The following MLC1 variants were observed in gnomAD, a reference collection of about 807,000 sequenced individuals.
MLC1 encodes modulator of VRAC current 1.
Under a neutral mutation model 44.7 loss-of-function variants are expected in MLC1, and 32 were observed. The observed-to-expected ratio is 0.72, with a 90% CI of 0.54 to 0.96. The LOEUF is 0.96. Among genes scored for constraint, MLC1 ranks in the 40% least tolerant of loss-of-function variants. The pLI is 0.00. For missense variants in MLC1, 459 were observed against 492.2 expected (o/e 0.93, Z 0.64); for synonymous variants, 190 against 213.0 (o/e 0.89, Z 0.94).
chr22:50,077,136 C>T (rs768047171), intron 6 of MLC1, among the ~76,000 whole-genome samples: 18 of 152,286 alleles, frequency 1.2e-4, no homozygotes, highest in East Asian at 5.8e-4. Context: ...CCCCTGGGGA[C>T]GAGCACTGGA....
At chr22:50,061,857 G>A (rs1387278021) in intron 11 of MLC1, among the ~76,000 whole-genome samples, 200 bp from the exon 12 acceptor site, 1 of 152,136 alleles carries the variant, frequency 6.6e-6, no homozygotes, top group Non-Finnish European at 1.5e-5. Flanking sequence ...AGAAACGCCT[G>A]CATCCCCCCC....
intron 10 of MLC1, among the ~76,000 whole-genome samples, chr22:50,066,134 T>C (rs780730765): frequency 6.6e-6 from 1 of 151,846 alleles, no homozygotes; most frequent in East Asian, 1.9e-4. Flanking sequence ...GCCCAGGAGC[T>C]CATGACCAGC....
intron 9 of MLC1, among the ~76,000 whole-genome samples, chr22:50,069,855 C>T (rs911796855): frequency 2.6e-5 from 4 of 152,156 alleles, no homozygotes; most frequent in African/African-American, 9.7e-5. Flanking sequence ...TCAGGGTCCA[C>T]ATTTTGGCAG....
intron 3 of MLC1, among the ~76,000 whole-genome samples, chr22:50,080,740 AT>A (rs2146911049): frequency 6.6e-6 from 1 of 152,198 alleles, no homozygotes; most frequent in East Asian, 1.9e-4. Flanking sequence ...AGAAGTTTTT[AT>A]TTTTCTGATG....
chr22:50,065,550 A>T (rs1006229217), intron 10 of MLC1, among the ~76,000 whole-genome samples: 2 of 152,246 alleles, frequency 1.3e-5, no homozygotes, highest in Non-Finnish European at 2.9e-5. Flanking sequence ...GTTAGCGGAA[A>T]ATGGTCAGGA....
chr22:50,074,091 C>G, intron 8 of MLC1, 125 bp downstream of exon 8: 1 of 760,094 alleles, frequency 1.3e-6, no homozygotes, highest in Non-Finnish European at 2.3e-6. Flanking sequence ...AAGTTGGGGG[C>G]CAGCGAGGAC....
intron 11 of MLC1, among the ~76,000 whole-genome samples, chr22:50,063,462 G>A (rs2049533818): frequency 7.3e-6 from 1 of 137,848 alleles, no homozygotes; most frequent in Non-Finnish European, 1.5e-5. Flanking sequence ...GACAGACTGA[G>A]ACTCCTTCTC....
intron 8 of MLC1, among the ~76,000 whole-genome samples, chr22:50,072,508 G>A (rs2061877941): frequency 6.6e-6 from 1 of 152,202 alleles, no homozygotes; most frequent in Non-Finnish European, 1.5e-5. Context: ...CCAGGGGGCA[G>A]CACCTGATGG....
At position 50,064,699 on chromosome 22, in the gene MLC1, G is replaced by A. The variant is rs112784228; in HGVS notation, c.895-501C>T. ...TAGGAAGGAAGGGGCAGGAGGCAGC[G>A]CGGTGAGCTCGGCAGGGAAGAGGAT... On this transcript the variant is annotated intron_variant, in intron 10 of 11. Coordinates refer to ENST00000311597, the MANE Select transcript of MLC1 (RefSeq NM_015166.4). Among the ~76,000 whole-genome samples, 6 of 152,322 alleles carry A rather than the reference G, an allele frequency of 3.9e-5. No individual in the cohort carries two copies. The South Asian group carries it at 6.2e-4, about 16-fold the overall frequency.
intron 8 of MLC1, among the ~76,000 whole-genome samples, chr22:50,071,561 G>A (rs1292663461): frequency 2.0e-5 from 3 of 152,096 alleles, no homozygotes; most frequent in African/African-American, 7.2e-5. Flanking sequence ...AGCTGCAGTC[G>A]GGCCTCCGTG....
At chr22:50,067,795 TC>T (rs140864651) in intron 10 of MLC1, among the ~76,000 whole-genome samples, 2 of 57,262 alleles carry the variant, frequency 3.5e-5, no homozygotes, top group Non-Finnish European at 6.3e-5. Flanking sequence ...AGTGACTCCA[TC>T]CCCCATCAGA....
intron 7 of MLC1, 101 bp from the exon 8 acceptor site, chr22:50,074,433 TG>T: frequency 9.4e-7 from 1 of 1,066,018 alleles, no homozygotes; most frequent in Non-Finnish European, 1.4e-6. Flanking sequence ...CAGGGTCCAG[TG>T]GGCTGGCCCC....
Position 50,064,157 on chromosome 22 carries a change from GAGCACTAGCAGCAGCAGCAGCAGC to G in MLC1, c.912_935del (p.Leu307_Leu314del). ...CCGTGTTGAGGCCGGCCTGCAGCAGGAGCACTAGCAGCAGCAGCAGCAGCAGCACATCGTAGGATGGCTGCAGGC... is the reference window on the plus strand; with the variant it reads ...CCGTGTTGAGGCCGGCCTGCAGCAGGAGCACATCGTAGGATGGCTGCAGGC... On this transcript the variant is annotated inframe_deletion, in exon 11 of 12. Transcript: ENST00000311597. 2 of 1,606,694 alleles carry G rather than the reference GAGCACTAGCAGCAGCAGCAGCAGC, an allele frequency of 1.2e-6. No homozygotes were observed. Among genetic ancestry groups the G allele is most frequent in the East Asian group, 4.5e-5 (2 of 44,846 alleles).
intron 7 of MLC1, among the ~76,000 whole-genome samples, chr22:50,075,116 A>C (rs960543284): frequency 4.7e-5 from 7 of 148,342 alleles, no homozygotes; most frequent in African/African-American, 1.8e-4. Context: ...CGCAACCAGC[A>C]CCGCCAGACT....
intron 3 of MLC1, among the ~76,000 whole-genome samples, chr22:50,080,817 C>G (rs905889737): frequency 1.3e-5 from 2 of 152,092 alleles, no homozygotes; most frequent in Non-Finnish European, 2.9e-5. Context: ...TAGAATGTAA[C>G]TCACGCAGGC....
At chr22:50,082,308 T>C (rs1004568421) in intron 3 of MLC1, among the ~76,000 whole-genome samples, 3 of 152,198 alleles carry the variant, frequency 2.0e-5, no homozygotes, top group African/African-American at 7.2e-5. Context: ...GCCAGCATGG[T>C]GCTCTAGCTG....
chr22:50,063,203 G>A (rs895236817), intron 11 of MLC1, among the ~76,000 whole-genome samples: 8 of 152,038 alleles, frequency 5.3e-5, no homozygotes, highest in Non-Finnish European at 8.8e-5. Flanking sequence ...GGCTGGGCGC[G>A]GTGGCTCACG....
intron 8 of MLC1, among the ~76,000 whole-genome samples, chr22:50,073,247 A>G (rs1050357547): frequency 6.6e-6 from 1 of 152,236 alleles, no homozygotes. Flanking sequence ...CTGCTCATGT[A>G]CATAAGAGAG....
chr22:50,068,576 G>T, intron 9 of MLC1, 21 bp from the exon 10 acceptor site: 1 of 1,544,638 alleles, frequency 6.5e-7, no homozygotes, highest in Non-Finnish European at 8.8e-7. Context: ...AGCGCGGGTT[G>T]CAGGACCACG....
Sources: allele counts gnomAD v4.1 joint callset (sites outside exome capture counted in the v4.1 genomes callset), GRCh38; gene constraint gnomAD v4.1.1; transcripts MANE v1.5; gene names NCBI Gene and HGNC (gene_info 2026-07-23, HGNC 2026-07-21).